SLC25A31: variants seen among roughly 807,000 people sequenced by gnomAD.
SLC25A31 encodes solute carrier family 25 member 31.
Under a neutral mutation model 36.2 loss-of-function variants are expected in SLC25A31, and 40 were observed. The ratio of observed to expected loss-of-function variants is 1.10; its 90% CI spans 0.86 to 1.44. SLC25A31 has a LOEUF of 1.44. Among genes scored for constraint, SLC25A31 ranks in the 40% most tolerant of loss-of-function variants. SLC25A31 has a pLI of 0.00. For missense variants in SLC25A31, 350 were observed against 397.1 expected, an observed-to-expected ratio of 0.88 and a Z score of 1.01; for synonymous variants, 143 against 149.7, an observed-to-expected ratio of 0.96 and a Z score of 0.32.
chr4:127,744,829 T>C (rs760746907), intron 2 of SLC25A31, 30 bp downstream of exon 2: 51 of 1,348,598 alleles, frequency 3.8e-5, no homozygotes, highest in Middle Eastern at 5.0e-4. Context: ...ACTTTTTTCT[T>C]CCAATATAGA....
In SLC25A31 at chr4:127,733,174, ACTTT is replaced by A. The variant is rs145004118; in HGVS notation, c.232+2401_232+2404del. On this transcript the variant is annotated intron_variant, in intron 1 of 5. Coordinates refer to ENST00000281154, the MANE Select transcript of SLC25A31 (RefSeq NM_031291.4). ...TATAAGGAAGTAGAAAAAAGATCGTACTTTCTTCTGTTCAGAAGTTTACTAAGAG... is the reference window on the plus strand; with the variant it reads ...TATAAGGAAGTAGAAAAAAGATCGTACTTCTGTTCAGAAGTTTACTAAGAG... Among the ~76,000 whole-genome samples, 1,516 of 152,310 alleles carry A rather than the reference ACTTT, an allele frequency of 1.0e-2. 25 individuals are homozygous for A. The highest frequency in any genetic ancestry group is 0.033 in the African/African-American group (1,384 of 41,562).
chr4:127,732,511 C>T (rs1731548181), intron 1 of SLC25A31, among the ~76,000 whole-genome samples: 1 of 152,140 alleles, frequency 6.6e-6, no homozygotes, highest in Non-Finnish European at 1.5e-5. Flanking sequence ...GAAGTAGGGG[C>T]CTCTCTATTA....
chr4:127,749,290 A>C (rs1257457372), intron 2 of SLC25A31, among the ~76,000 whole-genome samples: 1 of 152,234 alleles, frequency 6.6e-6, no homozygotes, highest in African/African-American at 2.4e-5. Flanking sequence ...CATCAAATGT[A>C]CAAATGTGTG....
chr4:127,737,357 T>C (rs1731650500), intron 1 of SLC25A31, among the ~76,000 whole-genome samples: 1 of 152,244 alleles, frequency 6.6e-6, no homozygotes, highest in Non-Finnish European at 1.5e-5. Flanking sequence ...ACATTTCTTT[T>C]GATGCAAATG....
chr4:127,754,778 A>G (rs1273345315), intron 2 of SLC25A31, among the ~76,000 whole-genome samples: 3 of 152,218 alleles, frequency 2.0e-5, no homozygotes, highest in Admixed American at 6.5e-5. Context: ...TGCTGTTTCT[A>G]TCAAAATTCC....
At position 127,768,734 on chromosome 4, in the gene SLC25A31, C is replaced by T. The variant is rs1012341541; in HGVS notation, c.634-18C>T. ...TTTAGAAATTTGGATAGTTACTTGG[C>T]ACATTTTTCTTTTCTAGGGTTTATT... On this transcript the variant is annotated intron_variant, in intron 4 of 5. Transcript: ENST00000281154. The T allele has an allele frequency of 1.9e-6, 3 of 1,562,850 alleles. No homozygotes were observed. The highest frequency in any genetic ancestry group is 2.0e-5 in the Admixed American group (1 of 50,152).
chr4:127,754,673 C>T (rs763752546), intron 2 of SLC25A31, among the ~76,000 whole-genome samples: 1 of 151,734 alleles, frequency 6.6e-6, no homozygotes, highest in Admixed American at 6.6e-5. Context: ...AGTAGAGGAA[C>T]GCACAAGTAA....
intron 2 of SLC25A31, among the ~76,000 whole-genome samples, chr4:127,749,610 G>A (rs907951281): frequency 1.3e-5 from 2 of 151,520 alleles, no homozygotes; most frequent in Admixed American, 6.6e-5. Flanking sequence ...TGGGTATGGT[G>A]AGGCAGGAGA....
At chr4:127,772,439 C>A (rs539475390) in intron 5 of SLC25A31, among the ~76,000 whole-genome samples, 1 of 152,094 alleles carries the variant, frequency 6.6e-6, no homozygotes, top group East Asian at 1.9e-4. Flanking sequence ...GGGGCCTTTT[C>A]TCTTTTTTCC....
At chr4:127,736,010 C>T (rs1167689027) in intron 1 of SLC25A31, among the ~76,000 whole-genome samples, 5 of 150,204 alleles carry the variant, frequency 3.3e-5, no homozygotes, top group African/African-American at 4.9e-5. Context: ...CTGCCTCAGC[C>T]TCCCGAGTAG....
intron 2 of SLC25A31, among the ~76,000 whole-genome samples, chr4:127,757,299 T>C (rs1732049629): frequency 2.6e-5 from 4 of 152,146 alleles, no homozygotes; most frequent in African/African-American, 9.7e-5. Flanking sequence ...CCTCCCTGCT[T>C]TTGGAGTTGC....
intron 1 of SLC25A31, among the ~76,000 whole-genome samples, chr4:127,735,062 T>C (rs865906146): frequency 5.3e-5 from 8 of 152,200 alleles, no homozygotes; most frequent in African/African-American, 1.9e-4. Context: ...TTGAAAAAGA[T>C]TCTGCCGTGA....
At chr4:127,742,010 C>T (rs977785706) in intron 1 of SLC25A31, among the ~76,000 whole-genome samples, 1 of 152,022 alleles carries the variant, frequency 6.6e-6, no homozygotes, top group African/African-American at 2.4e-5. Context: ...ACTTGACTCT[C>T]CTCTCTTTTT....
intron 4 of SLC25A31, 39 bp downstream of exon 4, chr4:127,767,259 G>T: frequency 2.9e-6 from 4 of 1,393,930 alleles, no homozygotes; most frequent in South Asian, 1.8e-5. Context: ...TTAAATATAT[G>T]GTTTCCATTT....
intron 3 of SLC25A31, 44 bp from the exon 4 acceptor site, chr4:127,767,022 G>A (rs772972901): frequency 6.6e-7 from 1 of 1,507,734 alleles, no homozygotes; most frequent in East Asian, 2.4e-5. Flanking sequence ...AGTGTTTATT[G>A]GATATATAAT....
At chr4:127,742,746 T>A (rs1731755026) in intron 1 of SLC25A31, among the ~76,000 whole-genome samples, 1 of 152,226 alleles carries the variant, frequency 6.6e-6, no homozygotes, top group Admixed American at 6.5e-5. Flanking sequence ...TTATTTGAGA[T>A]CTTTCTTCTT....
At chr4:127,743,411 C>T (rs1380338562) in intron 1 of SLC25A31, among the ~76,000 whole-genome samples, 2 of 152,214 alleles carry the variant, frequency 1.3e-5, no homozygotes, top group Non-Finnish European at 2.9e-5. Context: ...GCTGGAATTA[C>T]AGGCGTGAGC....
chr4:127,733,265 A>G (rs928492923), intron 1 of SLC25A31, among the ~76,000 whole-genome samples: 5 of 152,230 alleles, frequency 3.3e-5, no homozygotes, highest in African/African-American at 1.2e-4. Context: ...TCATTTATAC[A>G]GGTTGAGTAT....
At chr4:127,735,844 C>G (rs1295706442) in intron 1 of SLC25A31, among the ~76,000 whole-genome samples, 1 of 146,522 alleles carries the variant, frequency 6.8e-6, no homozygotes, top group African/African-American at 2.5e-5. Context: ...GACTGTATAT[C>G]CAAACATGCC....
Sources: gnomAD v4.1 joint callset for allele counts (sites outside exome capture counted in the v4.1 genomes callset) on GRCh38, gnomAD v4.1.1 for gene constraint, MANE v1.5 for transcripts, NCBI Gene and HGNC (gene_info 2026-07-23, HGNC 2026-07-21) for gene names.